Variants in DNAJC1 observed in about 807,000 individuals in gnomAD.
DNAJC1 encodes the protein DnaJ heat shock protein family (Hsp40) member C1.
DNAJC1 carries 58 observed loss-of-function variants against 76.6 expected under a neutral mutation model. The ratio of observed to expected loss-of-function variants is 0.76; its 90% CI spans 0.61 to 0.94. The LOEUF (loss-of-function observed/expected upper bound fraction) is 0.94. Ranked by LOEUF, DNAJC1 falls within the 40% of genes least tolerant of loss-of-function variation. The pLI is 0.00. For missense variants in DNAJC1, 689 were observed against 677.3 expected (o/e 1.02, Z -0.19); for synonymous variants, 258 against 267.9 (o/e 0.96, Z 0.36).
chr10:21,917,358 T>C (rs769021592), intron 6 of DNAJC1, among the ~76,000 whole-genome samples: 1 of 152,228 alleles, frequency 6.6e-6, no homozygotes, highest in Non-Finnish European at 1.5e-5. Context: ...TTTTACCAAA[T>C]AAATTTTATT....
intron 8 of DNAJC1, among the ~76,000 whole-genome samples, chr10:21,833,095 T>C (rs1466799277): frequency 6.6e-6 from 1 of 152,212 alleles, no homozygotes; most frequent in Non-Finnish European, 1.5e-5. Flanking sequence ...ACTTTAAACC[T>C]CTCACAAAGT....
Position 21,766,328 on chromosome 10 carries a change from G to A in DNAJC1, c.1099-19C>T, listed in dbSNP as rs1417290537. 6.2e-7 allele frequency: 1 copy of A among 1,609,202 alleles called. No homozygotes were observed. The highest frequency in any genetic ancestry group is 8.5e-7 in the Non-Finnish European group (1 of 1,175,652). ...TTGTCACCTGTTTCAAAACATAAAA[G>A]CAAAAATCTTACTTTCCATGTACCT... On this transcript the variant is annotated intron_variant, in intron 9 of 11. Coordinates refer to ENST00000376980, the MANE Select transcript of DNAJC1 (RefSeq NM_022365.4).
chr10:21,935,516 T>A (rs1296974484), intron 1 of DNAJC1, among the ~76,000 whole-genome samples: 2 of 151,800 alleles, frequency 1.3e-5, no homozygotes, highest in Non-Finnish European at 2.9e-5. Flanking sequence ...AACAAACACA[T>A]AATGGATCTC....
At chr10:21,973,270 C>T (rs967821497) in intron 1 of DNAJC1, among the ~76,000 whole-genome samples, 1 of 152,074 alleles carries the variant, frequency 6.6e-6, no homozygotes, top group Admixed American at 6.5e-5. Context: ...AAATGTAGCA[C>T]CAATGAATGA....
chr10:21,999,189 A>G (rs745970876), intron 1 of DNAJC1, among the ~76,000 whole-genome samples: 2 of 152,166 alleles, frequency 1.3e-5, no homozygotes, highest in African/African-American at 4.8e-5. Context: ...CCTGAACCCA[A>G]TCTACCCAGA....
In DNAJC1 at chr10:22,003,585, C is replaced by T. The variant is rs1000377646; in HGVS notation, c.-151G>A. ...GGCCCGCCAGGTGGCTGGCCCCAGA[C>T]AGAGCGCGGAGGCGGCGGGAGCCGG... On this transcript the variant is annotated 5_prime_UTR_variant, in exon 1 of 12. Coordinates refer to ENST00000376980, the MANE Select transcript of DNAJC1 (RefSeq NM_022365.4). The T allele has an allele frequency of 4.9e-5, 48 of 983,346 alleles. No homozygotes were observed. In the African/African-American group the frequency reaches 8.0e-4, roughly 16 times the overall value. The allele number at this position is 983,346 out of a possible 1,614,324, so 60.9% of individuals were successfully genotyped here.
intron 11 of DNAJC1, 61 bp from the exon 12 acceptor site, chr10:21,756,816 T>C (rs768462953): frequency 1.2e-4 from 178 of 1,510,154 alleles, no homozygotes; most frequent in Non-Finnish European, 1.6e-4. Flanking sequence ...GTGGTCATCA[T>C]GTGGCCGGTC....
chr10:21,988,892 A>C (rs1284481900), intron 1 of DNAJC1, among the ~76,000 whole-genome samples: 1 of 152,188 alleles, frequency 6.6e-6, no homozygotes, highest in Admixed American at 6.5e-5. Flanking sequence ...CCCACCTGGC[A>C]AATTTTTCTA....
chr10:21,975,080 C>G (rs1000217295), intron 1 of DNAJC1, among the ~76,000 whole-genome samples: 3 of 151,950 alleles, frequency 2.0e-5, no homozygotes, highest in Non-Finnish European at 4.4e-5. Context: ...TAGGGGTACT[C>G]ATACAGTATA....
chr10:21,812,239 G>A (rs1589990493), intron 8 of DNAJC1, among the ~76,000 whole-genome samples: 1 of 151,186 alleles, frequency 6.6e-6, no homozygotes, highest in African/African-American at 2.4e-5. Context: ...TTGTATTTTT[G>A]GTAGAGACGG....
chr10:21,871,735 C>T (rs1197194388), intron 8 of DNAJC1, among the ~76,000 whole-genome samples: 2 of 151,894 alleles, frequency 1.3e-5, no homozygotes, highest in East Asian at 3.9e-4. Context: ...GCAACCTCTG[C>T]CTCCCGGGTT....
intron 6 of DNAJC1, among the ~76,000 whole-genome samples, chr10:21,915,917 G>A (rs945736510): frequency 2.0e-5 from 3 of 151,354 alleles, no homozygotes; most frequent in African/African-American, 7.3e-5. Flanking sequence ...CTGAGGTGGG[G>A]GGATCACTTG....
At chr10:21,822,332 A>T (rs1200302016) in intron 8 of DNAJC1, among the ~76,000 whole-genome samples, 1 of 151,998 alleles carries the variant, frequency 6.6e-6, no homozygotes, top group African/African-American at 2.4e-5. Context: ...CCAGCTACAC[A>T]GGAGGCTGAG....
intron 6 of DNAJC1, among the ~76,000 whole-genome samples, chr10:21,913,873 C>T (rs1836909937): frequency 6.6e-6 from 1 of 152,174 alleles, no homozygotes. Flanking sequence ...TTGTTATATA[C>T]TAACTCATAC....
At chr10:21,981,176 C>T (rs1838150324) in intron 1 of DNAJC1, among the ~76,000 whole-genome samples, 2 of 152,158 alleles carry the variant, frequency 1.3e-5, no homozygotes, top group East Asian at 1.9e-4. Flanking sequence ...CAGATCTCCC[C>T]GTTTTATATT....
intron 8 of DNAJC1, among the ~76,000 whole-genome samples, chr10:21,840,653 A>G (rs1835560486): frequency 6.6e-6 from 1 of 152,238 alleles, no homozygotes; most frequent in African/African-American, 2.4e-5. Context: ...GGAAGAATCA[A>G]TATCGTGAAA....
At chr10:21,772,111 C>A (rs1834385064) in intron 9 of DNAJC1, among the ~76,000 whole-genome samples, 1 of 151,952 alleles carries the variant, frequency 6.6e-6, no homozygotes, top group Non-Finnish European at 1.5e-5. Context: ...GGTGATAATT[C>A]TTTTTATAAG....
At chr10:21,802,314 T>G (rs1320245307) in intron 9 of DNAJC1, among the ~76,000 whole-genome samples, 5 of 152,092 alleles carry the variant, frequency 3.3e-5, no homozygotes, top group Non-Finnish European at 7.4e-5. Context: ...GGCCTGACTC[T>G]AAAAGTAATA....
intron 9 of DNAJC1, among the ~76,000 whole-genome samples, chr10:21,774,117 G>A (rs2131623300): frequency 6.8e-6 from 1 of 146,688 alleles, no homozygotes; most frequent in East Asian, 2.0e-4. Flanking sequence ...CTCCAGCCTG[G>A]GCGACAGAGC....
Sources: allele counts gnomAD v4.1 joint callset (sites outside exome capture counted in the v4.1 genomes callset), GRCh38; gene constraint gnomAD v4.1.1; transcripts MANE v1.5; gene names NCBI Gene and HGNC (gene_info 2026-07-23, HGNC 2026-07-21).